The following ZBTB38 variants were observed in gnomAD, a reference collection of about 807,000 sequenced individuals.
ZBTB38 encodes the protein zinc finger and BTB domain containing 38.
Under a neutral mutation model 76.8 loss-of-function variants are expected in ZBTB38, and 20 were observed. The observed-to-expected ratio is 0.26, with a 90% CI of 0.18 to 0.38. The LOEUF (loss-of-function observed/expected upper bound fraction) is 0.38, where lower values mean the gene tolerates loss of function less well. Among genes scored for constraint, ZBTB38 ranks in the 10% least tolerant of loss-of-function variants. ZBTB38 has a pLI of 1.00. For missense variants in ZBTB38, 1,082 were observed against 1,482.3 expected (o/e 0.73, Z 4.43); for synonymous variants, 504 against 544.2 (o/e 0.93, Z 1.03).
chr3:141,356,471 A>T (rs1035087379), intron 1 of ZBTB38, among the ~76,000 whole-genome samples: 4 of 152,146 alleles, frequency 2.6e-5, no homozygotes, highest in Non-Finnish European at 5.9e-5. Flanking sequence ...TGCCAGGTTC[A>T]GGGGAAGCCT....
intron 5 of ZBTB38, among the ~76,000 whole-genome samples, chr3:141,416,183 G>T (rs2150020420): frequency 6.6e-6 from 1 of 152,218 alleles, no homozygotes; most frequent in South Asian, 2.1e-4. Context: ...CTACTAGGGT[G>T]GTGAGAAAAG....
Position 141,445,231 on chromosome 3 carries a change from C to T in ZBTB38, c.2843C>T (p.Pro948Leu), listed in dbSNP as rs781132144. The part of the protein sequence containing the change: ...NWRKEHGNRS[P>L]SHKCKYPAEL... ...AGGAAGGAGCACGGAAACAGGAGCC[C>T]GAGCCATAAATGTAAATACCCAGCA... Residue 948 changes from proline to leucine, a missense_variant, in exon 6 of 6, where the codon CCG becomes CTG. Pro to Leu is a moderately conservative substitution (Grantham distance 98). Transcript: ENST00000321464. This position sits in a 1 kb window ranked among gnomAD's most constrained non-coding sequence, Gnocchi z 6.5. The T allele has an allele frequency of 1.6e-5, 25 of 1,605,966 alleles. 1 individual carries two copies. Among genetic ancestry groups the T allele is most frequent in the African/African-American group, 1.2e-4 (9 of 74,536 alleles).
intron 1 of ZBTB38, among the ~76,000 whole-genome samples, chr3:141,340,949 G>GAAAGAAAGAAA (rs1943165885): frequency 8.9e-6 from 1 of 111,928 alleles, no homozygotes; most frequent in South Asian, 3.4e-4. Flanking sequence ...AAAGAAAGAA[G>GAAAGAAAGAAA]GAAAGAAAGA....
At chr3:141,355,416 A>G (rs993981351) in intron 1 of ZBTB38, among the ~76,000 whole-genome samples, 2 of 152,098 alleles carry the variant, frequency 1.3e-5, no homozygotes, top group African/African-American at 4.8e-5. Context: ...ATCCTGATTC[A>G]TAGACCGTGG....
intron 5 of ZBTB38, among the ~76,000 whole-genome samples, chr3:141,421,643 G>A (rs2075394147): frequency 6.6e-6 from 1 of 152,142 alleles, no homozygotes; most frequent in South Asian, 2.1e-4. Context: ...CTCCCTGGTG[G>A]GGACTTCTCT....
intron 5 of ZBTB38, among the ~76,000 whole-genome samples, chr3:141,423,189 A>T (rs1381229389): frequency 1.3e-5 from 2 of 152,196 alleles, no homozygotes; most frequent in Non-Finnish European, 2.9e-5. Flanking sequence ...TCTCCACTTC[A>T]GCACTAGGGA....
intron 5 of ZBTB38, among the ~76,000 whole-genome samples, chr3:141,412,845 C>T (rs1957116127): frequency 1.3e-5 from 2 of 151,856 alleles, no homozygotes; most frequent in African/African-American, 4.8e-5. Context: ...CCATTTGAAA[C>T]ACTGGCCAGA....
In ZBTB38 at chr3:141,433,103, A is replaced by G. The variant is rs369295961; in HGVS notation, c.1-9286A>G. On this transcript the variant is annotated intron_variant, in intron 5 of 5. Coordinates refer to ENST00000321464, the MANE Select transcript of ZBTB38 (RefSeq NM_001376113.1). The stretch of plus-strand genomic sequence containing the variant: ...TTAAGGACAGGTATGGAGAGTATGC[A>G]TATCTGCATGACTGTGGGTGTGTCT... Among the ~76,000 whole-genome samples, 626 of 152,292 alleles carry G rather than the reference A, an allele frequency of 4.1e-3. 4 individuals are homozygous for G. Among genetic ancestry groups the G allele is most frequent in the African/African-American group, 0.015 (603 of 41,558 alleles).
At chr3:141,424,295 G>T (rs1053461304) in intron 5 of ZBTB38, among the ~76,000 whole-genome samples, 1 of 152,182 alleles carries the variant, frequency 6.6e-6, no homozygotes, top group African/African-American at 2.4e-5. Context: ...AAAGCCAGAG[G>T]ATCACTTACG....
chr3:141,341,540 A>G (rs1344815969), intron 1 of ZBTB38, among the ~76,000 whole-genome samples: 1 of 152,282 alleles, frequency 6.6e-6, no homozygotes, highest in Non-Finnish European at 1.5e-5. Context: ...AAGCAAGTTC[A>G]GGGTGAGAAT....
At chr3:141,441,358 A>G (rs965643745) in intron 5 of ZBTB38, among the ~76,000 whole-genome samples, 2 of 152,248 alleles carry the variant, frequency 1.3e-5, no homozygotes, top group Non-Finnish European at 1.5e-5. Flanking sequence ...TCAGGAATCT[A>G]TGACTAGATT....
intron 2 of ZBTB38, among the ~76,000 whole-genome samples, chr3:141,371,912 A>G (rs1187747346): frequency 6.6e-6 from 1 of 152,206 alleles, no homozygotes; most frequent in African/African-American, 2.4e-5. Context: ...GATGCCCCAG[A>G]CTTAAAGGTG....
upstream of ZBTB38, among the ~76,000 whole-genome samples, chr3:141,365,913 A>G: frequency 6.6e-6 from 1 of 152,164 alleles, no homozygotes; most frequent in East Asian, 1.9e-4. Context: ...TTTTAAAGAG[A>G]GGGAATAAAA....
chr3:141,439,277 G>T (rs911880813), intron 5 of ZBTB38, among the ~76,000 whole-genome samples: 3 of 152,138 alleles, frequency 2.0e-5, no homozygotes, highest in African/African-American at 7.2e-5. Context: ...GCTGGATAAA[G>T]TTGTTAAAAG....
chr3:141,443,111 T>C lies in ZBTB38; in HGVS notation c.723T>C (p.Asp241=). Residue 241 remains aspartate, a synonymous_variant, in exon 6 of 6, where the codon GAT becomes GAC. Coordinates refer to ENST00000321464, the MANE Select transcript of ZBTB38 (RefSeq NM_001376113.1). The surrounding 1 kb of genome is among the most constrained non-coding windows in gnomAD (Gnocchi z 5.6). ...AYRSQPVREH[D]GSSPGNTGKE... ...GAAGTCAGCCTGTACGTGAACATGATGGCAGTTCACCTGGTAACACAGGGA... is the reference window on the plus strand; with the variant it reads ...GAAGTCAGCCTGTACGTGAACATGACGGCAGTTCACCTGGTAACACAGGGA... 6.2e-7 allele frequency: 1 copy of C among 1,614,226 alleles called. No individual in the cohort carries two copies. Among genetic ancestry groups the C allele is most frequent in the Non-Finnish European group, 8.5e-7 (1 of 1,180,044 alleles).
intron 5 of ZBTB38, among the ~76,000 whole-genome samples, chr3:141,440,927 G>A (rs1253316321): frequency 8.6e-5 from 13 of 151,620 alleles, no homozygotes; most frequent in African/African-American, 2.7e-4. Flanking sequence ...CCAGCTACTC[G>A]GGAGGCTGAG....
intron 5 of ZBTB38, among the ~76,000 whole-genome samples, chr3:141,422,730 C>T (rs550992315): frequency 2.0e-4 from 30 of 152,078 alleles, no homozygotes; most frequent in African/African-American, 6.0e-4. Flanking sequence ...TGGGGCTGTG[C>T]GGGTGCCTTA....
chr3:141,357,160 A>T (rs565615101), intron 1 of ZBTB38, among the ~76,000 whole-genome samples: 1 of 152,260 alleles, frequency 6.6e-6, no homozygotes, highest in East Asian at 1.9e-4. Flanking sequence ...GTTGGTCTCC[A>T]TTTCCCTGAC....
upstream of ZBTB38, among the ~76,000 whole-genome samples, chr3:141,368,061 T>C (rs1944039638): frequency 6.6e-6 from 1 of 152,188 alleles, no homozygotes. Context: ...CAAAAGTGCC[T>C]TCCACCTTTC....
Sources: gnomAD v4.1 joint callset for allele counts (sites outside exome capture counted in the v4.1 genomes callset) on GRCh38, gnomAD v4.1.1 for gene constraint, Gnocchi (gnomAD v3.1) non-coding constraint, MANE v1.5 for transcripts, NCBI Gene and HGNC (gene_info 2026-07-23, HGNC 2026-07-21) for gene names.